Variants in RNF144A observed in about 807,000 individuals in gnomAD.
RNF144A encodes ring finger protein 144A, also known as E3 ubiquitin-protein ligase RNF144A.
In RNF144A, 11 loss-of-function variants were observed where a neutral mutation model predicts 38.7. That is an observed-to-expected ratio of 0.28 (90% CI 0.18 to 0.47). The LOEUF is 0.47. Among genes scored for constraint, RNF144A ranks in the 20% least tolerant of loss-of-function variants. The pLI, the probability that RNF144A is intolerant of heterozygous loss-of-function variation, is 0.99. For synonymous variants in RNF144A, 149 were observed against 143.9 expected (o/e 1.04, Z -0.25); for missense variants, 316 against 377.2 (o/e 0.84, Z 1.34).
At chr2:6,966,633 A>G (rs925731064) in intron 2 of RNF144A, among the ~76,000 whole-genome samples, 5 of 152,246 alleles carry the variant, frequency 3.3e-5, no homozygotes, top group African/African-American at 4.8e-5. Flanking sequence ...TTTCCATGAC[A>G]ACCTCCTGTC....
chr2:6,935,460 C>T (rs1462039627), intron 1 of RNF144A, among the ~76,000 whole-genome samples: 2 of 152,238 alleles, frequency 1.3e-5, no homozygotes, highest in East Asian at 1.9e-4. Context: ...TGTGTTTGGA[C>T]ATCCGAGGGC....
chr2:6,921,125 A>G (rs992952191), intron 1 of RNF144A, among the ~76,000 whole-genome samples: 1 of 152,216 alleles, frequency 6.6e-6, no homozygotes, highest in African/African-American at 2.4e-5. Flanking sequence ...GATTTTTTCC[A>G]AAGTGAAATG....
intron 2 of RNF144A, among the ~76,000 whole-genome samples, chr2:6,975,349 A>G (rs1319710452): frequency 6.6e-6 from 1 of 152,192 alleles, no homozygotes; most frequent in Non-Finnish European, 1.5e-5. Context: ...ACATGTGAGA[A>G]TTATGGGAGC....
chr2:6,923,065 G>A (rs1664644294), intron 1 of RNF144A, among the ~76,000 whole-genome samples: 1 of 152,134 alleles, frequency 6.6e-6, no homozygotes, highest in Admixed American at 6.5e-5. Flanking sequence ...ATTCTAGAGT[G>A]AACTCTCTGA....
chr2:6,926,987 C>T, intron 1 of RNF144A, among the ~76,000 whole-genome samples: 1 of 152,146 alleles, frequency 6.6e-6, no homozygotes. Flanking sequence ...CTGGAGTCCA[C>T]ATGGCAGGGA....
chr2:6,955,505 C>G (rs973041983), intron 2 of RNF144A, among the ~76,000 whole-genome samples: 3 of 152,158 alleles, frequency 2.0e-5, no homozygotes, highest in African/African-American at 4.8e-5. Context: ...CATTCCAGGC[C>G]CTCCTGCCAT....
intron 6 of RNF144A, among the ~76,000 whole-genome samples, chr2:7,050,081 G>A (rs952896136): frequency 6.6e-6 from 1 of 152,212 alleles, no homozygotes; most frequent in African/African-American, 2.4e-5. Flanking sequence ...GCCTTTCCCA[G>A]GAGATGAATT....
intron 1 of RNF144A, among the ~76,000 whole-genome samples, chr2:6,930,781 G>A (rs879442232): frequency 2.0e-5 from 3 of 151,790 alleles, no homozygotes; most frequent in African/African-American, 7.3e-5. Context: ...TTTTGTAGAG[G>A]GGGGGATTTG....
Position 6,921,416 on chromosome 2 carries a change from G to T in RNF144A, c.-212+3794G>T, listed in dbSNP as rs138996315. ...GAGGAGGTGGTTGATACTCATTATG[G>T]ATTTGCCTGATCTTCAGGGCTTTGC... On this transcript the variant is annotated intron_variant, in intron 1 of 8. Coordinates refer to ENST00000320892, the MANE Select transcript of RNF144A (RefSeq NM_014746.6). 1.7e-3 allele frequency among the ~76,000 whole-genome samples: 252 copies of T among 152,326 alleles called. 2 individuals carry two copies. Among genetic ancestry groups the T allele is most frequent in the African/African-American group, 5.5e-3 (229 of 41,566 alleles).
At chr2:7,056,694 A>C (rs942584790) in intron 6 of RNF144A, among the ~76,000 whole-genome samples, 26 of 152,080 alleles carry the variant, frequency 1.7e-4, no homozygotes, top group Admixed American at 1.3e-3. Flanking sequence ...GTGTTAGGGA[A>C]TCCCCACTAC....
chr2:6,982,056 C>CTA lies in RNF144A; in HGVS notation c.-11-14858_-11-14857dup, dbSNP rs562894062. 3.7e-3 allele frequency among the ~76,000 whole-genome samples: 564 copies of CTA among 152,190 alleles called. 4 individuals are homozygous for CTA. The highest frequency in any genetic ancestry group is 7.5e-3 in the Admixed American group (115 of 15,290). ...ATCGGATCTCGTGAGATCTCCCTTACTATCACTGGAACAGCATGGGGGAAA... is the reference window on the plus strand; with the variant it reads ...ATCGGATCTCGTGAGATCTCCCTTACTATATCACTGGAACAGCATGGGGGAAA... On this transcript the variant is annotated intron_variant, in intron 2 of 8. Transcript: ENST00000320892.
Position 7,042,852 on chromosome 2 carries a change from C to T in RNF144A, c.*3092C>T, listed in dbSNP as rs1384895913. On this transcript the variant is annotated 3_prime_UTR_variant, in exon 9 of 9. Transcript: ENST00000320892. ...TGGACAGAGGAACCAACATCTGCCA[C>T]CTCTGGCATTTTCTTTCTTTTTTTT... The T allele has an allele frequency of 3.0e-6, 3 of 985,274 alleles. No homozygotes were observed. Among genetic ancestry groups the T allele is most frequent in the African/African-American group, 1.7e-5 (1 of 57,234 alleles). 61.0% of individuals were successfully genotyped at this position (985,274 alleles called of 1,614,324 possible). A position where few individuals can be genotyped will look rare whatever the true frequency, so the allele number is the denominator to read the frequency against.
At chr2:6,985,044 A>G (rs1668861157) in intron 2 of RNF144A, among the ~76,000 whole-genome samples, 2 of 152,240 alleles carry the variant, frequency 1.3e-5, no homozygotes, top group South Asian at 4.1e-4. Context: ...ACCAGTTACT[A>G]GAAAGCAAAG....
At chr2:6,989,697 A>G (rs1210494726) in intron 2 of RNF144A, among the ~76,000 whole-genome samples, 1 of 151,998 alleles carries the variant, frequency 6.6e-6, no homozygotes, top group African/African-American at 2.4e-5. Context: ...TTACAGTGTC[A>G]TACAGAATAG....
At chr2:6,955,835 T>C (rs1666966363) in intron 2 of RNF144A, among the ~76,000 whole-genome samples, 1 of 152,130 alleles carries the variant, frequency 6.6e-6, no homozygotes, top group Non-Finnish European at 1.5e-5. Flanking sequence ...CTTCTAGATG[T>C]TGTCACAGAG....
intron 6 of RNF144A, among the ~76,000 whole-genome samples, chr2:7,058,118 G>A (rs1221427809): frequency 2.0e-5 from 3 of 152,208 alleles, no homozygotes; most frequent in Non-Finnish European, 4.4e-5. Context: ...CAACAGATAA[G>A]TCAATATGAT....
intron 2 of RNF144A, among the ~76,000 whole-genome samples, chr2:6,948,212 C>T (rs1666462195): frequency 6.6e-6 from 1 of 152,142 alleles, no homozygotes; most frequent in African/African-American, 2.4e-5. Flanking sequence ...GATGGTGCTG[C>T]AGGGCTGCAG....
Position 7,004,158 on chromosome 2 carries a change from G to A in RNF144A, c.135+7097G>A, listed in dbSNP as rs530967254. 3.9e-5 allele frequency among the ~76,000 whole-genome samples: 6 copies of A among 152,342 alleles called. No individual in the cohort carries two copies. The South Asian group carries it at 1.2e-3, about 32-fold the overall frequency. The stretch of plus-strand genomic sequence containing the variant: ...TTGCGTGTGCACTCAGATTCTTCCT[G>A]CGGCCTGTGTGGACCCCACAACTCT... On this transcript the variant is annotated intron_variant, in intron 3 of 8. Coordinates refer to ENST00000320892, the MANE Select transcript of RNF144A (RefSeq NM_014746.6).
At chr2:6,976,561 A>G (rs1308634538) in intron 2 of RNF144A, among the ~76,000 whole-genome samples, 1 of 149,572 alleles carries the variant, frequency 6.7e-6, no homozygotes, top group Admixed American at 6.7e-5. Flanking sequence ...TGAAATTTAT[A>G]TATATATGAA....
Sources: gnomAD v4.1 joint callset for allele counts (sites outside exome capture counted in the v4.1 genomes callset) on GRCh38, gnomAD v4.1.1 for gene constraint, MANE v1.5 for transcripts, NCBI Gene and HGNC (gene_info 2026-07-23, HGNC 2026-07-21) for gene names.